Variants in SYCP3 observed in about 807,000 individuals in gnomAD.
SYCP3 encodes synaptonemal complex protein 3.
In SYCP3, 29 loss-of-function variants were observed where a neutral mutation model predicts 38.5. The observed-to-expected ratio is 0.75, with a 90% CI of 0.56 to 1.03. The LOEUF (loss-of-function observed/expected upper bound fraction) is 1.03. Ranked by LOEUF, SYCP3 falls within the 50% of genes least tolerant of loss-of-function variation. The pLI, the probability that SYCP3 is intolerant of heterozygous loss-of-function variation, is 0.00. For synonymous variants in SYCP3, 79 were observed against 80.3 expected (o/e 0.98, Z 0.08); for missense variants, 242 against 270.7 (o/e 0.89, Z 0.74).
chr12:101,729,094 A>G lies in SYCP3; in HGVS notation c.657+15T>C. On this transcript the variant is annotated intron_variant, in intron 8 of 8. Coordinates refer to ENST00000392924, the MANE Select transcript of SYCP3 (RefSeq NM_001177949.2). ...TATTAATCCTTATTTTTTCAATTTC[A>G]ATATGATCACTTACAGTTTCCATCA... 1 of 1,608,736 alleles carries G rather than the reference A, an allele frequency of 6.2e-7. No individual in the cohort carries two copies. The highest frequency in any genetic ancestry group is 1.1e-5 in the South Asian group (1 of 90,664).
chr12:101,733,032 GAGGGCTA>G lies in SYCP3; in HGVS notation c.453+536_453+542del, dbSNP rs1385325006. On this transcript the variant is annotated intron_variant, in intron 6 of 8. Coordinates refer to ENST00000392924, the MANE Select transcript of SYCP3 (RefSeq NM_001177949.2). ...CACAGATGCGGAACCCTTATATACAGAGGGCTAACTATACAATGATTGGTTCAAGAAT... is the reference window on the plus strand; with the variant it reads ...CACAGATGCGGAACCCTTATATACAGACTATACAATGATTGGTTCAAGAAT... 7 of 154,756 alleles carry G rather than the reference GAGGGCTA, an allele frequency of 4.5e-5. No individual in the cohort carries two copies. In the South Asian group the frequency reaches 9.9e-4, roughly 22 times the overall value. The allele number at this position is 154,756 out of a possible 1,614,324, so 9.6% of individuals were successfully genotyped here. A position where few individuals can be genotyped will look rare whatever the true frequency, so the allele number is the denominator to read the frequency against.
chr12:101,729,180 G>A lies in SYCP3; in HGVS notation c.586C>T (p.Leu196=). ...MEELEKNHDN[L]LTGAQNEFKK... ...AATTCATTTTGTGCACCAGTAAGTA[G>A]ATTATCATGATTCTTCTCCAACTCT... The change falls in exon 8 of 9, where the codon CTA becomes TTA. Residue 196 remains leucine, a synonymous_variant. Transcript: ENST00000392924. 6.2e-7 allele frequency: 1 copy of A among 1,612,746 alleles called. No individual in the cohort carries two copies. The highest frequency in any genetic ancestry group is 8.5e-7 in the Non-Finnish European group (1 of 1,179,480).
chr12:101,733,528 T>C, intron 6 of SYCP3, 47 bp downstream of exon 6: 4 of 1,538,080 alleles, frequency 2.6e-6, no homozygotes, highest in Non-Finnish European at 3.6e-6. Flanking sequence ...AGGTTGTCCA[T>C]TCCTACTTGA....
At chr12:101,731,810 A>G in intron 6 of SYCP3, 144 bp from the exon 7 acceptor site, 1 of 573,286 alleles carries the variant, frequency 1.7e-6, no homozygotes, top group South Asian at 2.5e-5. Context: ...GACCACATTT[A>G]GATAATTTAT....
At chr12:101,737,697 A>G in intron 2 of SYCP3, 106 bp downstream of exon 2, 2 of 1,503,774 alleles carry the variant, frequency 1.3e-6, no homozygotes, top group South Asian at 1.1e-5. Flanking sequence ...GGGGGAGGGA[A>G]GACCATACCT....
chr12:101,735,871 A>ATATATATATATATATATATATATT, intron 4 of SYCP3, among the ~76,000 whole-genome samples: 5 of 74,752 alleles, frequency 6.7e-5, no homozygotes, highest in African/African-American at 1.9e-4. Flanking sequence ...ATATATATAT[A>ATATATATATATATATATATATATT]TTTTTTTTTT....
rs1040963267 is a variant in SYCP3, at chr12:101,735,020, G to T, written c.260C>A (p.Ala87Asp). 6.2e-7 allele frequency: 1 copy of T among 1,610,964 alleles called. No individual in the cohort carries two copies. Among genetic ancestry groups the T allele is most frequent in the African/African-American group, 1.3e-5 (1 of 74,880 alleles). The part of the protein sequence containing the change: ...VGVDINKALL[A>D]KRKRLEMYTK... ...ATACATTTCTAGTCTCTTTCTCTTG[G>T]CAAGAAGAGCCTTGTTAATGTCAAC... Residue 87 changes from alanine (A) to aspartate (D), a missense_variant, in exon 5 of 9, where the codon GCC becomes GAC. Transcript: ENST00000392924.
At chr12:101,733,264 C>T in intron 6 of SYCP3, 1 of 334,428 alleles carries the variant, frequency 3.0e-6, no homozygotes, top group Non-Finnish European at 5.7e-6. Context: ...ATGAGCAACC[C>T]CCTCCCTGTT....
Position 101,728,750 on chromosome 12 carries a change from C to G in SYCP3, c.*177G>C. On this transcript the variant is annotated 3_prime_UTR_variant, in exon 9 of 9. Transcript: ENST00000392924. The stretch of plus-strand genomic sequence containing the variant: ...AATACATATTCTTTAGGAATAGTTG[C>G]TAACTAACTCATAACTATTTAGATT... 1.2e-6 allele frequency: 1 copy of G among 812,720 alleles called. No homozygotes were observed. Among genetic ancestry groups the G allele is most frequent in the Non-Finnish European group, 1.9e-6 (1 of 526,886 alleles). The allele number at this position is 812,720 out of a possible 1,614,324, so 50.3% of individuals were successfully genotyped here.
At chr12:101,732,232 C>T (rs1952218677) in intron 6 of SYCP3, 1 of 152,968 alleles carries the variant, frequency 6.5e-6, no homozygotes, top group Admixed American at 6.5e-5. Context: ...AACCATTATA[C>T]ATACTGTTTC....
chr12:101,738,875 T>A lies in SYCP3; in HGVS notation c.-18+476A>T, dbSNP rs73392437. 1.2e-3 allele frequency among the ~76,000 whole-genome samples: 190 copies of A among 152,312 alleles called. 1 individual carries two copies. The highest frequency in any genetic ancestry group is 3.9e-3 in the African/African-American group (162 of 41,594). On this transcript the variant is annotated intron_variant, in intron 1 of 8. Transcript: ENST00000392924. Reference sequence around the variant, plus strand: ...GATTCTGGCTAAATCTGGGCAACTCTAGCAGGGCGCTCAGTCACGCGGGGA... The same window carrying A: ...GATTCTGGCTAAATCTGGGCAACTCAAGCAGGGCGCTCAGTCACGCGGGGA...
chr12:101,734,866 A>C, intron 5 of SYCP3, 61 bp downstream of exon 5: 1 of 1,139,202 alleles, frequency 8.8e-7, no homozygotes, highest in Non-Finnish European at 1.3e-6. Context: ...TATTTTTCAT[A>C]AGTAATTTAT....
intron 7 of SYCP3, chr12:101,729,439 C>A: frequency 2.1e-6 from 1 of 471,350 alleles, no homozygotes; most frequent in Non-Finnish European, 3.7e-6. Context: ...GTATACTTTG[C>A]CCACAATGGG....
chr12:101,737,312 T>TAAAAA lies in SYCP3; in HGVS notation c.134-19_134-15dup. 2.1e-6 allele frequency: 3 copies of TAAAAA among 1,411,476 alleles called. No individual in the cohort carries two copies. Among genetic ancestry groups the TAAAAA allele is most frequent in the East Asian group, 2.3e-5 (1 of 42,622 alleles). 87.4% of individuals were successfully genotyped at this position (1,411,476 alleles called of 1,614,324 possible). Reference sequence around the variant, plus strand: ...CTGCAGTCTTCCCTGTATTGACAATTAAAAAAAAAAAAAAAAAGCTTTTGA... The same window carrying TAAAAA: ...CTGCAGTCTTCCCTGTATTGACAATTAAAAAAAAAAAAAAAAAAAAAAGCTTTTGA... On this transcript the variant is annotated splice_polypyrimidine_tract_variant and intron_variant, in intron 2 of 8. Coordinates refer to ENST00000392924, the MANE Select transcript of SYCP3 (RefSeq NM_001177949.2).
intron 6 of SYCP3, chr12:101,732,668 C>CT (rs549684402): frequency 0.085 from 11,548 of 136,190 alleles, 517 homozygotes; most frequent in South Asian, 0.19. Flanking sequence ...TTTCTTTTTT[C>CT]TTTTTTTTTT....
chr12:101,731,398 T>A (rs928885567), intron 7 of SYCP3, among the ~76,000 whole-genome samples, 170 bp downstream of exon 7: 1 of 152,142 alleles, frequency 6.6e-6, no homozygotes, highest in African/African-American at 2.4e-5. Context: ...ACCATTTGAA[T>A]CCTCAAGTAA....
chr12:101,733,838 C>A (rs112816910), intron 5 of SYCP3, among the ~76,000 whole-genome samples, 164 bp from the exon 6 acceptor site: 275 of 152,236 alleles, frequency 1.8e-3, no homozygotes, highest in African/African-American at 6.4e-3. Flanking sequence ...TACACTGATT[C>A]CAGAAGTATT....
chr12:101,731,650 T>C lies in SYCP3; in HGVS notation c.470A>G (p.Gln157Arg). The C allele has an allele frequency of 6.2e-7, 1 of 1,600,670 alleles. No individual in the cohort carries two copies. Among genetic ancestry groups the C allele is most frequent in the Non-Finnish European group, 8.5e-7 (1 of 1,176,986 alleles). The change falls in exon 7 of 9, where the codon CAA (glutamine) becomes CGA (arginine). Residue 157 changes from glutamine to arginine, a missense_variant. By Grantham distance (43) the Gln-to-Arg change is conservative. Coordinates refer to ENST00000392924, the MANE Select transcript of SYCP3 (RefSeq NM_001177949.2). ...TCTAGATTGTTGAAGAATCTTTTGT[T>C]GCTGTCGAAACATATTCTACAAATA... is the stretch of plus-strand genomic sequence containing the variant. ...EEKILNMFRQQQKILQQSRIV... is the reference protein window; with the variant it reads ...EEKILNMFRQRQKILQQSRIV...
chr12:101,735,355 AAC>A (rs1952360463), intron 4 of SYCP3, among the ~76,000 whole-genome samples: 1 of 152,158 alleles, frequency 6.6e-6, no homozygotes, highest in Non-Finnish European at 1.5e-5. Context: ...CCCATGAGAA[AAC>A]ACTGTTAATA....
Sources: gnomAD v4.1 joint callset for allele counts (sites outside exome capture counted in the v4.1 genomes callset) on GRCh38, gnomAD v4.1.1 for gene constraint, MANE v1.5 for transcripts, NCBI Gene and HGNC (gene_info 2026-07-23, HGNC 2026-07-21) for gene names.